Variants in EXOC3 observed in about 807,000 individuals in gnomAD.
EXOC3 encodes the protein exocyst complex component 3.
In EXOC3, 21 loss-of-function variants were observed where a neutral mutation model predicts 73.7. The ratio of observed to expected loss-of-function variants is 0.29; its 90% CI spans 0.20 to 0.41. EXOC3 has a LOEUF of 0.41. Among genes scored for constraint, EXOC3 ranks in the 10% least tolerant of loss-of-function variants. EXOC3 has a pLI of 1.00. For synonymous variants in EXOC3, 410 were observed against 389.1 expected, an observed-to-expected ratio of 1.05 and a Z score of -0.63; for missense variants, 842 against 985.1, an observed-to-expected ratio of 0.85 and a Z score of 1.95.
In EXOC3 at chr5:464,737, C is replaced by G. The variant is rs375694600; in HGVS notation, c.1776+325C>G. 6.8e-4 allele frequency: 279 copies of G among 409,150 alleles called. 4 individuals are homozygous for G. The South Asian group carries it at 7.4e-3, about 11-fold the overall frequency. The allele number at this position is 409,150 out of a possible 1,614,324, so 25.3% of individuals were successfully genotyped here. ...TTTCCGCTTCAGACCCTCCTTCCTG[C>G]AGGACCCAGGTTCCTCTTTCCTCCA... On this transcript the variant is annotated intron_variant, in intron 10 of 12. Coordinates refer to ENST00000512944, the MANE Select transcript of EXOC3 (RefSeq NM_007277.5).
chr5:450,383 C>G (rs929815453), intron 3 of EXOC3, among the ~76,000 whole-genome samples: 15 of 152,174 alleles, frequency 9.9e-5, no homozygotes, highest in African/African-American at 3.4e-4. Context: ...CTAATGTCAT[C>G]TGTTGAGTTT....
chr5:461,268 GTTA>G (rs1388042834), intron 7 of EXOC3, among the ~76,000 whole-genome samples: 8 of 151,952 alleles, frequency 5.3e-5, no homozygotes, highest in South Asian at 2.1e-4. Context: ...CCTTTTTTCA[GTTA>G]TTATTTTTTA....
chr5:451,285 C>T (rs940462173), intron 3 of EXOC3, among the ~76,000 whole-genome samples: 2 of 152,214 alleles, frequency 1.3e-5, no homozygotes, highest in Non-Finnish European at 2.9e-5. Flanking sequence ...TTTATATCAA[C>T]TTAACTTCAA....
At chr5:465,074 C>T (rs749869198) in intron 10 of EXOC3, 37 bp from the exon 11 acceptor site, 3 of 1,513,408 alleles carry the variant, frequency 2.0e-6, no homozygotes, top group South Asian at 1.2e-5. Context: ...GCCGCCAGAG[C>T]CGTGGAGCCT....
intron 11 of EXOC3, 125 bp from the exon 12 acceptor site, chr5:465,593 G>C (rs547388012): frequency 1.6e-6 from 2 of 1,246,926 alleles, no homozygotes; most frequent in East Asian, 2.5e-5. Flanking sequence ...AGCTTTCAGA[G>C]TAGATCCTGA....
At chr5:455,012 G>A (rs11954875) in intron 4 of EXOC3, among the ~76,000 whole-genome samples, 4,474 of 83,220 alleles carry the variant, frequency 0.054, 104 homozygotes, top group Middle Eastern at 0.098. Context: ...TCACCGTGAC[G>A]CTCTGTGCAA....
intron 3 of EXOC3, among the ~76,000 whole-genome samples, chr5:451,681 T>C (rs1033510333): frequency 8.5e-5 from 13 of 152,378 alleles, no homozygotes; most frequent in African/African-American, 3.1e-4. Context: ...CCAGTTGCTC[T>C]CTAGCATTCT....
At chr5:459,611 G>A (rs1471830392) in intron 7 of EXOC3, 152 bp downstream of exon 7, 10 of 516,938 alleles carry the variant, frequency 1.9e-5, no homozygotes, top group African/African-American at 3.9e-5. Flanking sequence ...AAAGCAAAGG[G>A]AGGGAGCGGA....
intron 6 of EXOC3, among the ~76,000 whole-genome samples, chr5:458,865 T>C (rs1042059942): frequency 6.6e-6 from 1 of 152,226 alleles, no homozygotes; most frequent in African/African-American, 2.4e-5. Context: ...CCAAACCCTT[T>C]CCTTTGTTTG....
At chr5:454,150 C>CT in intron 4 of EXOC3, 99 bp downstream of exon 4, 3 of 1,013,582 alleles carry the variant, frequency 3.0e-6, no homozygotes, top group Non-Finnish European at 4.2e-6. Context: ...GGGTGTTGCT[C>CT]TGGGCAGGTG....
At position 466,916 on chromosome 5, in the gene EXOC3, T is replaced by C. The variant is rs1438723701; in HGVS notation, c.*18T>C. 1.3e-6 allele frequency: 2 copies of C among 1,578,046 alleles called. No homozygotes were observed. The highest frequency in any genetic ancestry group is 2.3e-5 in the South Asian group (2 of 86,714). ...TCAAGTAGCCTCCGCCGGCCTGCCC[T>C]GCTCGCCCCTCCACAGCCTCGGTCC... On this transcript the variant is annotated 3_prime_UTR_variant, in exon 13 of 13. Coordinates refer to ENST00000512944, the MANE Select transcript of EXOC3 (RefSeq NM_007277.5).
chr5:460,472 C>T (rs974851913), intron 7 of EXOC3, among the ~76,000 whole-genome samples: 4 of 152,288 alleles, frequency 2.6e-5, no homozygotes, highest in Admixed American at 6.5e-5. Flanking sequence ...ACAGCCACGC[C>T]GCCCACTCAG....
intron 3 of EXOC3, among the ~76,000 whole-genome samples, chr5:452,169 G>A (rs142758960): frequency 9.1e-4 from 138 of 152,106 alleles, no homozygotes; most frequent in African/African-American, 3.1e-3. Flanking sequence ...GCATATGTTG[G>A]CCTGCTTGAT....
At chr5:459,068 A>G (rs1737905360) in intron 6 of EXOC3, among the ~76,000 whole-genome samples, 1 of 152,234 alleles carries the variant, frequency 6.6e-6, no homozygotes, top group Non-Finnish European at 1.5e-5. Context: ...CTCACTCCAC[A>G]CATTAAAACT....
At chr5:457,524 A>G in intron 5 of EXOC3, 1 of 230,060 alleles carries the variant, frequency 4.3e-6, no homozygotes, top group African/African-American at 2.3e-5. Flanking sequence ...TTCTCTTGGG[A>G]CGTGAGCTGC....
At chr5:457,720 C>T in intron 5 of EXOC3, 180 bp from the exon 6 acceptor site, 2 of 601,006 alleles carry the variant, frequency 3.3e-6, no homozygotes, top group Non-Finnish European at 2.9e-6. Context: ...GCTGTGGTCA[C>T]TGCCTCCCAT....
intron 10 of EXOC3, 133 bp downstream of exon 10, chr5:464,545 C>A: frequency 1.0e-6 from 1 of 995,216 alleles, no homozygotes; most frequent in Non-Finnish European, 1.5e-6. Flanking sequence ...CCAAGGGAGG[C>A]AATAGGCTCT....
In EXOC3 at chr5:466,637, C is replaced by T. The variant is rs1467734466; in HGVS notation, c.2067-90C>T. Reference sequence around the variant, plus strand: ...GCGGTCCTCACCCCCTGTGTTCTGTCAGCTGGGGTGGTGAAGCCGTGAGTC... The same window carrying T: ...GCGGTCCTCACCCCCTGTGTTCTGTTAGCTGGGGTGGTGAAGCCGTGAGTC... On this transcript the variant is annotated intron_variant, in intron 12 of 12. Coordinates refer to ENST00000512944, the MANE Select transcript of EXOC3 (RefSeq NM_007277.5). The T allele has an allele frequency of 5.2e-6, 7 of 1,334,914 alleles. No individual in the cohort carries two copies. The Admixed American group carries it at 1.4e-4, about 26-fold the overall frequency. The allele number at this position is 1,334,914 out of a possible 1,614,324, so 82.7% of individuals were successfully genotyped here. A position where few individuals can be genotyped will look rare whatever the true frequency, so the allele number is the denominator to read the frequency against.
intron 9 of EXOC3, 96 bp from the exon 10 acceptor site, chr5:464,191 CGTG>C: frequency 8.4e-7 from 1 of 1,186,208 alleles, no homozygotes; most frequent in East Asian, 2.6e-5. Context: ...ACGCAGCTCT[CGTG>C]GGGCGTTGAG....
Sources: allele counts gnomAD v4.1 joint callset (sites outside exome capture counted in the v4.1 genomes callset), GRCh38; gene constraint gnomAD v4.1.1; transcripts MANE v1.5; gene names NCBI Gene and HGNC (gene_info 2026-07-23, HGNC 2026-07-21).